ZNF207: variants seen among roughly 807,000 people sequenced by gnomAD.
ZNF207 encodes BUB3-interacting and GLEBS motif-containing protein ZNF207.
In ZNF207, 24 loss-of-function variants were observed where a neutral mutation model predicts 60.2. The ratio of observed to expected loss-of-function variants is 0.40; its 90% CI spans 0.29 to 0.56. The LOEUF (loss-of-function observed/expected upper bound fraction) is 0.56. Among genes scored for constraint, ZNF207 ranks in the 20% least tolerant of loss-of-function variants. The pLI is 0.49. For synonymous variants in ZNF207, 236 were observed against 194.7 expected (o/e 1.21, Z -1.77); for missense variants, 452 against 636.6 (o/e 0.71, Z 3.12).
intron 2 of ZNF207, among the ~76,000 whole-genome samples, chr17:32,357,342 A>AT (rs1364261997): frequency 0.012 from 767 of 64,274 alleles, 17 homozygotes; most frequent in Middle Eastern, 0.014. Context: ...TATTATTATT[A>AT]TTATTATTAT....
chr17:32,363,223 G>C (rs1172775094), intron 7 of ZNF207, among the ~76,000 whole-genome samples: 2 of 152,076 alleles, frequency 1.3e-5, no homozygotes, highest in African/African-American at 2.4e-5. Context: ...GAGTAGCTGG[G>C]ATTACAGGCG....
At chr17:32,360,467 A>G in intron 3 of ZNF207, 131 bp from the exon 4 acceptor site, 1 of 806,872 alleles carries the variant, frequency 1.2e-6, no homozygotes, top group Non-Finnish European at 1.9e-6. Flanking sequence ...ATAGAGCAGT[A>G]TTAATTGAAT....
At chr17:32,354,505 C>T (rs1904386821) in intron 2 of ZNF207, among the ~76,000 whole-genome samples, 1 of 152,160 alleles carries the variant, frequency 6.6e-6, no homozygotes, top group East Asian at 1.9e-4. Flanking sequence ...GATGGGGCTT[C>T]ACCACGTTGG....
intron 2 of ZNF207, among the ~76,000 whole-genome samples, chr17:32,354,335 GT>G (rs923128049): frequency 1.3e-5 from 2 of 151,108 alleles, no homozygotes; most frequent in Non-Finnish European, 3.0e-5. Context: ...TGCTCTGTCA[GT>G]TTTTTTTTTG....
intron 2 of ZNF207, among the ~76,000 whole-genome samples, chr17:32,357,485 A>G (rs986383919): frequency 3.3e-5 from 5 of 150,354 alleles, no homozygotes; most frequent in African/African-American, 9.8e-5. Context: ...AGTAGCTGGG[A>G]TTACAGGCAC....
In ZNF207 at chr17:32,361,222, T is replaced by C. The variant is rs919593079; in HGVS notation, c.552-246T>C. 2.3e-5 allele frequency: 13 copies of C among 573,188 alleles called. No homozygotes were observed. In the Admixed American group the frequency reaches 4.1e-4, roughly 18 times the overall value. 35.5% of individuals were successfully genotyped at this position (573,188 alleles called of 1,614,324 possible). A position where few individuals can be genotyped will look rare whatever the true frequency, so the allele number is the denominator to read the frequency against. ...ATTGCATTTACTGTGATTAAAGTAG[T>C]TGGTTATTTATAGATTTGCGTTTCT... On this transcript the variant is annotated intron_variant, in intron 5 of 11. Transcript: ENST00000394670.
rs369887065 is a variant in ZNF207, at chr17:32,365,315, A to G, written c.671-15A>G. On this transcript the variant is annotated splice_polypyrimidine_tract_variant and intron_variant, in intron 7 of 11. Coordinates refer to ENST00000394670, the MANE Select transcript of ZNF207 (RefSeq NM_001098507.2). ...TTTCAGTGACTCAATTTCCCCAAAC[A>G]TTTCTTCTCTGCAGGTATGCCCCCA... 63 of 1,598,224 alleles carry G rather than the reference A, an allele frequency of 3.9e-5. No homozygotes were observed. The highest frequency in any genetic ancestry group is 1.0e-4 in the South Asian group (9 of 89,322).
At chr17:32,366,831 TG>T (rs1905184294) in intron 9 of ZNF207, 74 bp downstream of exon 9, 5 of 1,333,546 alleles carry the variant, frequency 3.7e-6, no homozygotes, top group Non-Finnish European at 5.0e-6. Flanking sequence ...ACTTAAAAAA[TG>T]AATATTTTTC....
At chr17:32,367,271 ATATATATATAT>A (rs1567825009) in intron 9 of ZNF207, among the ~76,000 whole-genome samples, 908 of 87,758 alleles carry the variant, frequency 0.01, 45 homozygotes, top group African/African-American at 0.027. Flanking sequence ...ATATATATAT[ATATATATATAT>A]ATAAAGAATA....
chr17:32,358,686 A>AC, intron 3 of ZNF207, 45 bp downstream of exon 3: 2 of 1,038,420 alleles, frequency 1.9e-6, no homozygotes, highest in East Asian at 7.8e-5. Flanking sequence ...ATTTTTTTTA[A>AC]TTTTTTTTTT....
At position 32,381,108 on chromosome 17, in the gene ZNF207, C is replaced by CA. The variant is rs745487861; in HGVS notation, c.*11350dup. The CA allele has an allele frequency of 6.6e-6, 1 of 152,146 alleles. No homozygotes were observed. Among genetic ancestry groups the CA allele is most frequent in the Non-Finnish European group, 1.5e-5 (1 of 68,028 alleles). 9.4% of individuals were successfully genotyped at this position (152,146 alleles called of 1,614,324 possible). Reference sequence around the variant, plus strand: ...ATTGATTATTTCTGAGGAAAAGGTCCATTTATTTCCAAACTAGTCTGTAGT... The same window carrying CA: ...ATTGATTATTTCTGAGGAAAAGGTCCAATTTATTTCCAAACTAGTCTGTAGT... On this transcript the variant is annotated 3_prime_UTR_variant, in exon 12 of 12. Transcript: ENST00000394670.
At chr17:32,367,282 T>TGTATATATATATAA (rs1905240469) in intron 9 of ZNF207, among the ~76,000 whole-genome samples, 59 of 82,862 alleles carry the variant, frequency 7.1e-4, no homozygotes, top group Non-Finnish European at 8.1e-4. Context: ...TATATATATA[T>TGTATATATATATAA]ATAAAGAATA....
Position 32,369,593 on chromosome 17 carries a change from T to C in ZNF207, c.1325-6T>C, listed in dbSNP as rs1905373451. 6.4e-7 allele frequency: 1 copy of C among 1,562,954 alleles called. No individual in the cohort carries two copies. On this transcript the variant is annotated splice_region_variant and splice_polypyrimidine_tract_variant and intron_variant, in intron 11 of 11. Transcript: ENST00000394670. ...ATTTTTTTGTGTTTGAAATTCTTGA[T>C]TTTAGGTCAGTATGGTGGTCATCAT... is the stretch of plus-strand genomic sequence containing the variant.
intron 2 of ZNF207, among the ~76,000 whole-genome samples, chr17:32,353,056 C>A (rs1028023274): frequency 6.6e-6 from 1 of 152,122 alleles, no homozygotes; most frequent in Non-Finnish European, 1.5e-5. Flanking sequence ...GGCCTGTAAT[C>A]CTGGCTACTG....
intron 7 of ZNF207, among the ~76,000 whole-genome samples, chr17:32,364,206 C>T (rs1905047780): frequency 6.6e-6 from 1 of 151,862 alleles, no homozygotes; most frequent in Admixed American, 6.6e-5. Flanking sequence ...ATAACTTTCC[C>T]AGAAGCTCTT....
intron 2 of ZNF207, among the ~76,000 whole-genome samples, chr17:32,352,172 G>C (rs1379087778): frequency 6.6e-6 from 1 of 152,162 alleles, no homozygotes; most frequent in Non-Finnish European, 1.5e-5. Flanking sequence ...GTTTCACCAT[G>C]TTGGCCAGGC....
In ZNF207 at chr17:32,378,728, T is replaced by C. The variant is rs1200726376; in HGVS notation, c.*8969T>C. Reference sequence around the variant, plus strand: ...TTTTTATTCTACCCGAGTTCATTGTTGTTTGAACCATCCTCTAAAGATTTC... The same window carrying C: ...TTTTTATTCTACCCGAGTTCATTGTCGTTTGAACCATCCTCTAAAGATTTC... On this transcript the variant is annotated 3_prime_UTR_variant, in exon 12 of 12. Coordinates refer to ENST00000394670, the MANE Select transcript of ZNF207 (RefSeq NM_001098507.2). 1 of 152,034 alleles carries C rather than the reference T, an allele frequency of 6.6e-6. No homozygotes were observed. Among genetic ancestry groups the C allele is most frequent in the East Asian group, 1.9e-4 (1 of 5,206 alleles). 9.4% of individuals were successfully genotyped at this position (152,034 alleles called of 1,614,324 possible).
chr17:32,364,678 G>T (rs995828514), intron 7 of ZNF207, among the ~76,000 whole-genome samples: 7 of 152,140 alleles, frequency 4.6e-5, no homozygotes, highest in Admixed American at 3.9e-4. Context: ...TTTTATGTTG[G>T]TGTGTTTGCA....
At chr17:32,364,309 A>G (rs571760595) in intron 7 of ZNF207, among the ~76,000 whole-genome samples, 2 of 151,060 alleles carry the variant, frequency 1.3e-5, no homozygotes, top group African/African-American at 4.9e-5. Flanking sequence ...AAGGAAAGGG[A>G]TTTGGTTGGC....
Sources: gnomAD v4.1 joint callset for allele counts (sites outside exome capture counted in the v4.1 genomes callset) on GRCh38, gnomAD v4.1.1 for gene constraint, MANE v1.5 for transcripts, NCBI Gene and HGNC (gene_info 2026-07-23, HGNC 2026-07-21) for gene names.